The following RADX variants were observed in gnomAD, a reference collection of about 807,000 sequenced individuals.
RADX encodes RPA-related protein RADX.
A neutral mutation model predicts 61.6 loss-of-function variants in RADX; 36 were observed. That is an observed-to-expected ratio of 0.58 (90% confidence interval 0.45 to 0.77). The LOEUF is 0.77. RADX is among the 30% of genes least tolerant of loss of function. The pLI, the probability that RADX is intolerant of heterozygous loss-of-function variation, is 0.00. For synonymous variants in RADX, 272 were observed against 237.9 expected (o/e 1.14, Z -1.32); for missense variants, 497 against 651.1 (o/e 0.76, Z 2.58).
chrX:106,645,869 A>G (rs1473285363), intron 10 of RADX, among the ~76,000 whole-genome samples: 1 of 111,169 alleles, frequency 9.0e-6, no homozygotes, highest in Non-Finnish European at 1.9e-5. Flanking sequence ...TCTAGCTATT[A>G]TTGTATTGCG....
intron 6 of RADX, among the ~76,000 whole-genome samples, chrX:106,634,781 T>C (rs907897329): frequency 9.0e-6 from 1 of 111,641 alleles, no homozygotes; most frequent in Admixed American, 9.5e-5. Flanking sequence ...ATAATCCTAT[T>C]GCCTCAATTT....
At chrX:106,630,198 A>G (rs1389446244) in intron 3 of RADX, among the ~76,000 whole-genome samples, 1 of 110,616 alleles carries the variant, frequency 9.0e-6, no homozygotes, top group East Asian at 2.8e-4. Context: ...GGTGGCATGC[A>G]CCTGTAGTCC....
intron 7 of RADX, 73 bp downstream of exon 7, chrX:106,636,720 T>G (rs1927367732): frequency 6.1e-6 from 3 of 488,334 alleles, no homozygotes; most frequent in Non-Finnish European, 9.8e-6. Context: ...ACATATTAAC[T>G]TTTATATAAT....
chrX:106,659,337 C>T (rs1394205332), intron 11 of RADX, among the ~76,000 whole-genome samples: 1 of 111,604 alleles, frequency 9.0e-6, no homozygotes, highest in East Asian at 2.8e-4. Context: ...AAAAAATTCA[C>T]GATGCCTACG....
Position 106,678,146 on chromosome X carries a change from C to A in RADX, c.2456C>A (p.Ala819Glu). The A allele has an allele frequency of 8.5e-7, 1 of 1,176,919 alleles. No individual in the cohort carries two copies. The highest frequency in any genetic ancestry group is 1.2e-6 in the Non-Finnish European group (1 of 866,918). ...RAVAGDIIKAATELDRVHIVG... is the reference protein window; with the variant it reads ...RAVAGDIIKAETELDRVHIVG... ...CTTTTAGGTGATATTATAAAAGCAG[C>A]AACTGAACTGGATAGAGTGCATATC... The change falls in exon 14 of 14, where the codon GCA (alanine) becomes GAA (glutamate). Residue 819 changes from alanine (A) to glutamate (E), a missense_variant. Physicochemically the swap from Ala to Glu is moderately radical, Grantham distance 107 (BLOSUM62 -1). Transcript: ENST00000372548.
intron 8 of RADX, chrX:106,638,598 A>ACTTT (rs1927424838): frequency 1.8e-5 from 2 of 112,499 alleles, no homozygotes; most frequent in African/African-American, 6.5e-5. Context: ...GTGACACTCA[A>ACTTT]AGAACTACTC....
At chrX:106,661,685 C>A (rs1203064903) in intron 11 of RADX, among the ~76,000 whole-genome samples, 1 of 111,170 alleles carries the variant, frequency 9.0e-6, no homozygotes, top group Non-Finnish European at 1.9e-5. Context: ...GAATTTGTCA[C>A]TGAATATAAA....
At chrX:106,658,010 AAAGTGC>A (rs2147635727) in intron 11 of RADX, among the ~76,000 whole-genome samples, 1 of 111,900 alleles carries the variant, frequency 8.9e-6, no homozygotes, top group East Asian at 2.8e-4. Context: ...GAAGCACAAT[AAAGTGC>A]ATTAAAACAA....
intron 1 of RADX, among the ~76,000 whole-genome samples, chrX:106,621,826 A>G (rs1926951080): frequency 9.0e-6 from 1 of 110,741 alleles, no homozygotes; most frequent in African/African-American, 3.3e-5. Context: ...AAAGGTCCTG[A>G]TACAGGGCCA....
intron 13 of RADX, 42 bp from the exon 14 acceptor site, chrX:106,678,086 T>G: frequency 1.1e-6 from 1 of 941,953 alleles, no homozygotes; most frequent in Non-Finnish European, 1.5e-6. Flanking sequence ...AAGTAAATAT[T>G]TAACTATTTT....
chrX:106,655,255 C>T (rs750694875), intron 11 of RADX, among the ~76,000 whole-genome samples: 5 of 109,240 alleles, frequency 4.6e-5, no homozygotes, highest in African/African-American at 1.3e-4. Flanking sequence ...TTTTTGCTGG[C>T]GGAGGGTCTT....
rs1401861185 is a variant in RADX at position 106,678,697 on chromosome X, A to G, written c.*439A>G. 8.8e-6 allele frequency: 1 copy of G among 114,053 alleles called. No individual in the cohort carries two copies. The highest frequency in any genetic ancestry group is 2.7e-4 in the East Asian group (1 of 3,687). 9.4% of individuals were successfully genotyped at this position (114,053 alleles called of 1,213,427 possible). On this transcript the variant is annotated 3_prime_UTR_variant, in exon 14 of 14. Coordinates refer to ENST00000372548, the MANE Select transcript of RADX (RefSeq NM_018015.6). Reference sequence around the variant, plus strand: ...TTGCCAGTTTGAAGACTGTTCTCCTAAAGTGTTCAACCTGCACTTCTTACA... The same window carrying G: ...TTGCCAGTTTGAAGACTGTTCTCCTGAAGTGTTCAACCTGCACTTCTTACA...
At chrX:106,665,112 T>C (rs1214389186) in intron 12 of RADX, among the ~76,000 whole-genome samples, 1 of 111,629 alleles carries the variant, frequency 9.0e-6, no homozygotes, top group Non-Finnish European at 1.9e-5. Flanking sequence ...AGACAAATGG[T>C]TCATATATAT....
intron 3 of RADX, among the ~76,000 whole-genome samples, chrX:106,627,926 C>T (rs1927112122): frequency 8.9e-6 from 1 of 111,798 alleles, no homozygotes; most frequent in Admixed American, 9.5e-5. Context: ...ACCTCCACCT[C>T]CTGGGTTCCA....
Position 106,615,598 on chromosome X carries a change from T to G in RADX, c.643+2875T>G, listed in dbSNP as rs757140701. On this transcript the variant is annotated intron_variant, in intron 1 of 13. Coordinates refer to ENST00000372548, the MANE Select transcript of RADX (RefSeq NM_018015.6). ...TAAATATTTCCTCCCCCATTTATTC[T>G]TATTATACCACCTTGCAAATGATCT... 2.7e-5 allele frequency among the ~76,000 whole-genome samples: 3 copies of G among 112,151 alleles called. No individual in the cohort carries two copies. In the East Asian group the frequency reaches 8.4e-4, roughly 31 times the overall value.
intron 11 of RADX, among the ~76,000 whole-genome samples, chrX:106,658,216 A>G (rs1475469805): frequency 3.6e-5 from 4 of 112,239 alleles, no homozygotes; most frequent in Non-Finnish European, 7.5e-5. Flanking sequence ...CTACACTTAT[A>G]TCAGAAAAGT....
chrX:106,612,001 A>C lies in RADX; in HGVS notation c.-80A>C. Reference sequence around the variant, plus strand: ...GGGGCAGAGTAGCGATCGTCGCCAAAGCGCGCGGTTTTATTTCTCTCCGCT... The same window carrying C: ...GGGGCAGAGTAGCGATCGTCGCCAACGCGCGCGGTTTTATTTCTCTCCGCT... On this transcript the variant is annotated 5_prime_UTR_variant, in exon 1 of 14. Transcript: ENST00000372548. 112 of 971,659 alleles carry C rather than the reference A, an allele frequency of 1.2e-4. No homozygotes were observed. The highest frequency in any genetic ancestry group is 1.4e-4 in the Non-Finnish European group (100 of 707,756). 80.1% of individuals were successfully genotyped at this position (971,659 alleles called of 1,213,427 possible).
At chrX:106,675,322 A>G (rs1052791222) in intron 13 of RADX, among the ~76,000 whole-genome samples, 1 of 112,131 alleles carries the variant, frequency 8.9e-6, no homozygotes, top group Non-Finnish European at 1.9e-5. Flanking sequence ...TTACAAAGCA[A>G]CTCTAAAGTC....
At chrX:106,664,733 G>A (rs1948277490) in intron 12 of RADX, among the ~76,000 whole-genome samples, 1 of 108,912 alleles carries the variant, frequency 9.2e-6, no homozygotes, top group Non-Finnish European at 1.9e-5. Flanking sequence ...GCTTATCAAA[G>A]TCATCTACAA....
Sources: gnomAD v4.1 joint callset for allele counts (sites outside exome capture counted in the v4.1 genomes callset) on GRCh38, gnomAD v4.1.1 for gene constraint, MANE v1.5 for transcripts, NCBI Gene and HGNC (gene_info 2026-07-23, HGNC 2026-07-21) for gene names.